CRB1: variants seen among roughly 807,000 people sequenced by gnomAD.
The protein encoded by CRB1 is protein crumbs homolog 1.
In CRB1, 83 loss-of-function variants were observed where a neutral mutation model predicts 120.0. The observed-to-expected ratio is 0.69, with a 90% CI of 0.58 to 0.83. The LOEUF is 0.83. CRB1 is among the 40% of genes least tolerant of loss of function. The probability of loss-of-function intolerance (pLI) is 0.00; values close to 1 mark genes in which losing one functional copy is unlikely to be tolerated. For synonymous variants in CRB1, 625 were observed against 612.5 expected (o/e 1.02, Z -0.30); for missense variants, 1,699 against 1,687.6 (o/e 1.01, Z -0.12).
At chr1:197,310,333 G>C (rs371255568) in intron 1 of CRB1, among the ~76,000 whole-genome samples, 1 of 152,064 alleles carries the variant, frequency 6.6e-6, no homozygotes, top group African/African-American at 2.4e-5. Context: ...GGAACACATC[G>C]TCTTTTGTCT....
chr1:197,355,041 T>C (rs2125350397), intron 4 of CRB1, among the ~76,000 whole-genome samples: 1 of 151,596 alleles, frequency 6.6e-6, no homozygotes, highest in South Asian at 2.1e-4. Flanking sequence ...CAAGTCCCAC[T>C]AGATTAGCTA....
At position 197,427,515 on chromosome 1, in the gene CRB1, T is replaced by A. The variant is rs751650324; in HGVS notation, c.2190T>A (p.Asp730Glu). The part of the protein sequence containing the change: ...DSTGYVIFTL[D>E]ESYGDTISLS... ...CTGGTTATGTCATCTTTACTCTTGA[T>A]GAGAGCTATGGAGACACCATCAGCC... The change falls in exon 7 of 12, where the codon GAT becomes GAA. Residue 730 changes from aspartate to glutamate, a missense_variant. By Grantham distance (45) the Asp-to-Glu change is conservative. Transcript: ENST00000367400. 1 of 1,613,978 alleles carries A rather than the reference T, an allele frequency of 6.2e-7. No homozygotes were observed. The highest frequency in any genetic ancestry group is 1.1e-5 in the South Asian group (1 of 91,054).
At position 197,334,283 on chromosome 1, in the gene CRB1, G is replaced by T. The variant is rs745811351; in HGVS notation, c.652+5280G>T. Among the ~76,000 whole-genome samples the T allele has an allele frequency of 3.2e-4, 48 of 152,150 alleles. 1 individual carries two copies. Among genetic ancestry groups the T allele is most frequent in the Non-Finnish European group, 7.3e-5 (5 of 68,036 alleles). On this transcript the variant is annotated intron_variant, in intron 2 of 11. Coordinates refer to ENST00000367400, the MANE Select transcript of CRB1 (RefSeq NM_201253.3). ...GGCAAGGAAACACAAATCAATAAAA[G>T]CAGGCTTTTATATAAAGCACTTATT... is the stretch of plus-strand genomic sequence containing the variant.
chr1:197,268,047 T>C (rs1654698425), upstream of CRB1, among the ~76,000 whole-genome samples: 1 of 152,190 alleles, frequency 6.6e-6, no homozygotes, highest in South Asian at 2.1e-4. Flanking sequence ...TATCAGAAAT[T>C]AATCCCTCTA....
At chr1:197,359,636 A>G (rs1453147705) in intron 5 of CRB1, among the ~76,000 whole-genome samples, 3 of 152,170 alleles carry the variant, frequency 2.0e-5, no homozygotes, top group Non-Finnish European at 4.4e-5. Context: ...GCTGGTTCCT[A>G]TGATAGTTTC....
intron 1 of CRB1, among the ~76,000 whole-genome samples, chr1:197,291,883 C>T (rs531329856): frequency 1.3e-5 from 2 of 152,042 alleles, no homozygotes; most frequent in South Asian, 2.1e-4. Context: ...TACAAAGACA[C>T]AACTTACCAG....
chr1:197,413,825 A>G, intron 5 of CRB1: 1 of 434,866 alleles, frequency 2.3e-6, no homozygotes, highest in East Asian at 7.1e-5. Flanking sequence ...CATACTCTCT[A>G]CCTGCGAGAA....
intron 1 of CRB1, among the ~76,000 whole-genome samples, chr1:197,313,593 C>G (rs1227098253): frequency 6.6e-6 from 1 of 152,148 alleles, no homozygotes; most frequent in Non-Finnish European, 1.5e-5. Flanking sequence ...ACCAACTTCT[C>G]TTTATACCTC....
At position 197,421,477 on chromosome 1, in the gene CRB1, A is replaced by G. The variant is rs748826002; in HGVS notation, c.1649A>G (p.Asn550Ser). 5 of 1,614,140 alleles carry G rather than the reference A, an allele frequency of 3.1e-6. No individual in the cohort carries two copies. The South Asian group carries it at 4.4e-5, about 14-fold the overall frequency. Reference protein sequence around the residue: ...GYIHLSIQVNNQSKVLLFISH... With the variant: ...GYIHLSIQVNSQSKVLLFISH... ...ATTCACTTATCAATTCAGGTCAATA[A>G]TCAGTCAAAGGTGCTTCTGTTCATT... is the stretch of plus-strand genomic sequence containing the variant. Residue 550 changes from asparagine to serine, a missense_variant, in exon 6 of 12, where the codon AAT becomes AGT. Transcript: ENST00000367400.
At chr1:197,232,809 A>G in the CRB1 span, among the ~76,000 whole-genome samples, 3 of 152,052 alleles carry the variant, frequency 2.0e-5, no homozygotes, top group Non-Finnish European at 4.4e-5. Flanking sequence ...TAAATATACA[A>G]ACATTTTAAG....
chr1:197,465,490 A>G (rs975422836), intron 11 of CRB1, among the ~76,000 whole-genome samples: 6 of 152,206 alleles, frequency 3.9e-5, no homozygotes, highest in Non-Finnish European at 5.9e-5. Context: ...CTAAAACTAA[A>G]TACTATTTCA....
At chr1:197,222,423 C>T in the CRB1 span, 2 of 768,324 alleles carry the variant, frequency 2.6e-6, no homozygotes, top group African/African-American at 1.7e-5. Flanking sequence ...ATTTCATCGT[C>T]CTCGGGCTAC....
chr1:197,458,132 C>G (rs968959587), intron 11 of CRB1, among the ~76,000 whole-genome samples: 9 of 151,996 alleles, frequency 5.9e-5, no homozygotes, highest in African/African-American at 2.2e-4. Flanking sequence ...AGGCACTGGT[C>G]CCAAAAGATA....
the CRB1 span, among the ~76,000 whole-genome samples, chr1:197,210,205 T>C: frequency 6.6e-6 from 1 of 152,196 alleles, no homozygotes; most frequent in Non-Finnish European, 1.5e-5. Flanking sequence ...GATGGTTCAT[T>C]TTATTTGTCA....
Position 197,442,765 on chromosome 1 carries a change from T to C in CRB1, c.4005+473T>C, listed in dbSNP as rs1665516482. ...GGTATTTTCACATTTTAAGTTGCCC[T>C]CCATCACTATGATTCTATTTTCATT... is the stretch of plus-strand genomic sequence containing the variant. On this transcript the variant is annotated intron_variant, in intron 11 of 11. Coordinates refer to ENST00000367400, the MANE Select transcript of CRB1 (RefSeq NM_201253.3). 3 of 255,564 alleles carry C rather than the reference T, an allele frequency of 1.2e-5. No individual in the cohort carries two copies. In the South Asian group the frequency reaches 1.7e-4, roughly 15 times the overall value. 15.8% of individuals were successfully genotyped at this position (255,564 alleles called of 1,614,324 possible). A position where few individuals can be genotyped will look rare whatever the true frequency, so the allele number is the denominator to read the frequency against.
chr1:197,410,214 A>G (rs1663633811), intron 5 of CRB1, among the ~76,000 whole-genome samples: 2 of 152,226 alleles, frequency 1.3e-5, no homozygotes, highest in Non-Finnish European at 1.5e-5. Flanking sequence ...TGCAAGCTGA[A>G]ATATTTGATA....
At chr1:197,271,796 A>C (rs1350687315) in intron 1 of CRB1, among the ~76,000 whole-genome samples, 2 of 150,436 alleles carry the variant, frequency 1.3e-5, no homozygotes, top group Non-Finnish European at 3.0e-5. Context: ...TGAATTAGAA[A>C]AGTAATGTCT....
At chr1:197,436,769 C>T (rs993603197) in intron 9 of CRB1, among the ~76,000 whole-genome samples, 57 of 152,206 alleles carry the variant, frequency 3.7e-4, no homozygotes, top group African/African-American at 1.3e-3. Context: ...ACAAGATTTT[C>T]ATATTAATAT....
At chr1:197,301,324 C>A (rs1339862536) in intron 1 of CRB1, among the ~76,000 whole-genome samples, 2 of 152,024 alleles carry the variant, frequency 1.3e-5, no homozygotes, top group African/African-American at 4.8e-5. Context: ...TGCCACCATA[C>A]CCGGCTAATT....
Sources: gnomAD v4.1 joint callset for allele counts (sites outside exome capture counted in the v4.1 genomes callset) on GRCh38, gnomAD v4.1.1 for gene constraint, MANE v1.5 for transcripts, NCBI Gene and HGNC (gene_info 2026-07-23, HGNC 2026-07-21) for gene names.